The following CTNNA3 variants were observed in gnomAD, a reference collection of about 807,000 sequenced individuals.
CTNNA3 encodes the protein catenin alpha-3.
CTNNA3 carries 76 observed loss-of-function variants against 95.7 expected under a neutral mutation model. The observed-to-expected ratio is 0.79, with a 90% CI of 0.66 to 0.96. The LOEUF (loss-of-function observed/expected upper bound fraction) is 0.96, where lower values mean the gene tolerates loss of function less well. Among genes scored for constraint, CTNNA3 ranks in the 40% least tolerant of loss-of-function variants. The pLI is 0.00. For synonymous variants in CTNNA3, 431 were observed against 374.4 expected, an observed-to-expected ratio of 1.15 and a Z score of -1.74; for missense variants, 1,191 against 1,089.8, an observed-to-expected ratio of 1.09 and a Z score of -1.31.
intron 12 of CTNNA3, among the ~76,000 whole-genome samples, chr10:66,285,027 C>T (rs889148484): frequency 6.6e-6 from 1 of 151,726 alleles, no homozygotes; most frequent in Non-Finnish European, 1.5e-5. Flanking sequence ...TTTGGTACCT[C>T]ATAGATCATA....
intron 10 of CTNNA3, among the ~76,000 whole-genome samples, chr10:66,563,315 T>A (rs1398807285): frequency 6.6e-6 from 1 of 152,110 alleles, no homozygotes; most frequent in East Asian, 1.9e-4. Context: ...CTCCTTTATT[T>A]TGCAAATTAC....
intron 7 of CTNNA3, among the ~76,000 whole-genome samples, chr10:67,079,200 G>T (rs1856904280): frequency 6.6e-6 from 1 of 152,150 alleles, no homozygotes; most frequent in African/African-American, 2.4e-5. Flanking sequence ...ATGTATGCAA[G>T]GTTAACTTAT....
intron 11 of CTNNA3, among the ~76,000 whole-genome samples, chr10:66,381,155 T>A (rs2092835415): frequency 6.6e-6 from 1 of 152,202 alleles, no homozygotes; most frequent in African/African-American, 2.4e-5. Context: ...CTGTTATACA[T>A]ATTTTATGAT....
At chr10:66,331,128 T>A (rs1450315726) in intron 12 of CTNNA3, among the ~76,000 whole-genome samples, 2 of 151,986 alleles carry the variant, frequency 1.3e-5, no homozygotes, top group Non-Finnish European at 2.9e-5. Context: ...GTCTTAGACA[T>A]GAAGTCCTTG....
intron 7 of CTNNA3, among the ~76,000 whole-genome samples, chr10:66,929,368 T>A (rs549755453): frequency 2.6e-5 from 4 of 152,272 alleles, no homozygotes; most frequent in African/African-American, 9.6e-5. Flanking sequence ...TACCAGAATT[T>A]CTCTTTCCAG....
At chr10:66,428,522 A>G (rs1225922830) in intron 11 of CTNNA3, among the ~76,000 whole-genome samples, 2 of 152,176 alleles carry the variant, frequency 1.3e-5, no homozygotes, top group African/African-American at 4.8e-5. Flanking sequence ...TCCTCAGCAA[A>G]TGTAAAAGAA....
At chr10:65,998,248 T>G (rs2078704472) in intron 15 of CTNNA3, among the ~76,000 whole-genome samples, 1 of 152,208 alleles carries the variant, frequency 6.6e-6, no homozygotes, top group Admixed American at 6.5e-5. Flanking sequence ...ATGCATACTG[T>G]TTTTGACACA....
chr10:66,112,267 A>G (rs2082149129), intron 13 of CTNNA3, among the ~76,000 whole-genome samples: 1 of 152,184 alleles, frequency 6.6e-6, no homozygotes, highest in Non-Finnish European at 1.5e-5. Context: ...CACAGTCAGT[A>G]CTCAGTAAAT....
chr10:67,720,280 C>G (rs902520187), intron 1 of CTNNA3, among the ~76,000 whole-genome samples: 1 of 150,566 alleles, frequency 6.6e-6, no homozygotes, highest in Non-Finnish European at 1.5e-5. Flanking sequence ...ACTGTTTATC[C>G]AATTTGCCAG....
intron 7 of CTNNA3, among the ~76,000 whole-genome samples, chr10:66,977,022 A>G (rs1324374772): frequency 6.6e-6 from 1 of 152,192 alleles, no homozygotes; most frequent in Non-Finnish European, 1.5e-5. Context: ...AAATGCTTCC[A>G]GGAGAATTAG....
chr10:66,727,532 T>C (rs1038932416), intron 9 of CTNNA3, among the ~76,000 whole-genome samples: 4 of 152,126 alleles, frequency 2.6e-5, no homozygotes, highest in Admixed American at 6.6e-5. Flanking sequence ...AATGATCATA[T>C]ACAATAACCC....
chr10:67,247,421 TA>T (rs1564510170), intron 5 of CTNNA3, among the ~76,000 whole-genome samples: 1 of 152,022 alleles, frequency 6.6e-6, no homozygotes, highest in Non-Finnish European at 1.5e-5. Context: ...CATCAAAACA[TA>T]AAAAACTTAG....
At chr10:66,010,961 G>A (rs752583104) in intron 15 of CTNNA3, among the ~76,000 whole-genome samples, 19 of 152,100 alleles carry the variant, frequency 1.2e-4, no homozygotes, top group Non-Finnish European at 1.8e-4. Flanking sequence ...TTCTTGCTGC[G>A]GTTTCTACTT....
chr10:66,661,779 A>G (rs916144300), intron 9 of CTNNA3, among the ~76,000 whole-genome samples: 1 of 152,168 alleles, frequency 6.6e-6, no homozygotes, highest in Non-Finnish European at 1.5e-5. Flanking sequence ...TTAATGTAAA[A>G]TTGCTGAGAG....
chr10:66,898,758 G>A (rs76757597), intron 7 of CTNNA3, among the ~76,000 whole-genome samples: 1,952 of 152,188 alleles, frequency 0.013, 36 homozygotes, highest in African/African-American at 0.041. Flanking sequence ...ACTCCTAGAA[G>A]AAAATATAAT....
At chr10:66,361,642 A>T (rs965295703) in intron 12 of CTNNA3, among the ~76,000 whole-genome samples, 1 of 151,264 alleles carries the variant, frequency 6.6e-6, no homozygotes, top group Non-Finnish European at 1.5e-5. Context: ...GGCTCAAGGG[A>T]TCTTCCTACC....
chr10:67,482,171 G>A (rs1848259943), intron 5 of CTNNA3, among the ~76,000 whole-genome samples: 1 of 150,478 alleles, frequency 6.6e-6, no homozygotes, highest in Admixed American at 6.6e-5. Context: ...ATAGTTTGAA[G>A]TCAGGTAGTG....
chr10:66,245,980 G>A (rs923910243), intron 13 of CTNNA3, among the ~76,000 whole-genome samples: 1 of 152,224 alleles, frequency 6.6e-6, no homozygotes, highest in Non-Finnish European at 1.5e-5. Flanking sequence ...CCATTGGTGG[G>A]CCCAGAAAAG....
At chr10:66,995,483 G>A (rs1193439426) in intron 7 of CTNNA3, among the ~76,000 whole-genome samples, 1 of 152,112 alleles carries the variant, frequency 6.6e-6, no homozygotes, top group Non-Finnish European at 1.5e-5. Flanking sequence ...CATTCACCAA[G>A]TGATCTTTTT....
Sources: allele counts gnomAD v4.1 joint callset (sites outside exome capture counted in the v4.1 genomes callset), GRCh38; gene constraint gnomAD v4.1.1; transcripts MANE v1.5; gene names NCBI Gene and HGNC (gene_info 2026-07-23, HGNC 2026-07-21).